Variants in NRXN3 observed in about 807,000 individuals in gnomAD.
NRXN3 encodes neurexin 3.
Under a neutral mutation model 137.6 loss-of-function variants are expected in NRXN3, and 32 were observed. The observed-to-expected ratio is 0.23, with a 90% CI of 0.18 to 0.31. The LOEUF is 0.31. Among genes scored for constraint, NRXN3 ranks in the 10% least tolerant of loss-of-function variants. The pLI is 1.00. For synonymous variants in NRXN3, 798 were observed against 784.5 expected (o/e 1.02, Z -0.29); for missense variants, 1,574 against 2,062.5 (o/e 0.76, Z 4.59).
chr14:79,058,111 A>G (rs1391496679), intron 15 of NRXN3, among the ~76,000 whole-genome samples: 2 of 151,964 alleles, frequency 1.3e-5, no homozygotes, highest in African/African-American at 4.8e-5. Flanking sequence ...AAAGTAGGAG[A>G]TGCGGGAAGG....
intron 4 of NRXN3, among the ~76,000 whole-genome samples, chr14:78,493,858 T>G (rs1276486840): frequency 2.0e-5 from 3 of 152,220 alleles, no homozygotes; most frequent in Non-Finnish European, 4.4e-5. Flanking sequence ...CAAAACCTAC[T>G]TAAGGTCCAG....
At chr14:78,876,194 C>T (rs2099113512) in intron 10 of NRXN3, among the ~76,000 whole-genome samples, 1 of 152,064 alleles carries the variant, frequency 6.6e-6, no homozygotes, top group Admixed American at 6.5e-5. Context: ...TCTTTTAAAA[C>T]AAAACAAAGC....
intron 4 of NRXN3, among the ~76,000 whole-genome samples, chr14:78,490,208 C>T (rs568349946): frequency 4.2e-5 from 1 of 23,860 alleles, no homozygotes; most frequent in Non-Finnish European, 8.7e-5. Flanking sequence ...CCACCACACC[C>T]GGCCTCCCAA....
chr14:79,126,566 G>C (rs1330103068), intron 15 of NRXN3, among the ~76,000 whole-genome samples: 2 of 152,122 alleles, frequency 1.3e-5, no homozygotes, highest in East Asian at 1.9e-4. Flanking sequence ...TCTTAATCCA[G>C]TCTATCATTG....
At chr14:79,562,949 T>C (rs1238811824) in intron 16 of NRXN3, among the ~76,000 whole-genome samples, 1 of 152,170 alleles carries the variant, frequency 6.6e-6, no homozygotes, top group Non-Finnish European at 1.5e-5. Flanking sequence ...GAAAAAACTT[T>C]GGAGACTGAA....
At chr14:78,316,920 G>A (rs1175783652) in intron 4 of NRXN3, among the ~76,000 whole-genome samples, 1 of 152,136 alleles carries the variant, frequency 6.6e-6, no homozygotes, top group East Asian at 1.9e-4. Context: ...GTGAGAGAGA[G>A]TAACACTCTT....
Position 79,861,379 on chromosome 14 carries a change from C to T in NRXN3, c.4131C>T (p.Tyr1377=). ...SLSTSIFEGG[Y]KAHAPKWESK... is the part of the protein sequence containing the mutation. ...CCACTTCAATCTTCGAAGGTGGCTACAAAGCACATGCGCCCAAGTGGGAAT... is the reference window on the plus strand; with the variant it reads ...CCACTTCAATCTTCGAAGGTGGCTATAAAGCACATGCGCCCAAGTGGGAAT... Residue 1377 remains tyrosine, a synonymous_variant, in exon 21 of 21, where the codon TAC becomes TAT. Coordinates refer to ENST00000335750, the MANE Select transcript of NRXN3 (RefSeq NM_001330195.2). The surrounding 1 kb of genome is among the most constrained non-coding windows in gnomAD (Gnocchi z 5.4). 6.5e-7 allele frequency: 1 copy of T among 1,536,168 alleles called. No homozygotes were observed. The highest frequency in any genetic ancestry group is 8.7e-7 in the Non-Finnish European group (1 of 1,146,918).
chr14:79,599,542 A>G (rs896192870), intron 16 of NRXN3, among the ~76,000 whole-genome samples: 33 of 152,252 alleles, frequency 2.2e-4, no homozygotes, highest in Admixed American at 2.1e-3. Flanking sequence ...TTGGCCTTGT[A>G]TGCAAGACTG....
chr14:78,759,745 A>T (rs2098685238), intron 8 of NRXN3, among the ~76,000 whole-genome samples: 2 of 152,234 alleles, frequency 1.3e-5, no homozygotes, highest in Admixed American at 6.5e-5. Context: ...TGAGGTGTTT[A>T]AGGAAAAGCT....
rs1479409763 is a variant in NRXN3 at position 78,498,185 on chromosome 14, G to C, written c.758-146935G>C. Among the ~76,000 whole-genome samples, 120 of 152,186 alleles carry C rather than the reference G, an allele frequency of 7.9e-4. 1 individual carries two copies. The highest frequency in any genetic ancestry group is 1.6e-4 in the Non-Finnish European group (11 of 68,026). The stretch of plus-strand genomic sequence containing the variant: ...ACTCCCTGCCCTTGAAAAGTGTTCA[G>C]TGTGTCTGTAGAAGTCCAGTGCCAG... On this transcript the variant is annotated intron_variant, in intron 4 of 20. Coordinates refer to ENST00000335750, the MANE Select transcript of NRXN3 (RefSeq NM_001330195.2).
At chr14:79,040,630 T>A (rs1441711779) in intron 15 of NRXN3, among the ~76,000 whole-genome samples, 4 of 151,918 alleles carry the variant, frequency 2.6e-5, no homozygotes, top group Non-Finnish European at 5.9e-5. Context: ...AAGGGTGAGG[T>A]TGGAGTGAAA....
intron 4 of NRXN3, among the ~76,000 whole-genome samples, chr14:78,578,453 G>T (rs938945467): frequency 6.6e-6 from 1 of 152,194 alleles, no homozygotes; most frequent in Non-Finnish European, 1.5e-5. Flanking sequence ...ATCAACATCT[G>T]TCTATAGGAA....
intron 15 of NRXN3, among the ~76,000 whole-genome samples, chr14:79,365,660 A>G (rs968213736): frequency 2.8e-5 from 4 of 142,186 alleles, no homozygotes; most frequent in East Asian, 2.1e-4. Context: ...CGGAGCTTGC[A>G]GTGAGCCGAG....
At chr14:79,183,916 CAGGTCTGAGATCAT>C (rs1489373334) in intron 15 of NRXN3, among the ~76,000 whole-genome samples, 1 of 152,156 alleles carries the variant, frequency 6.6e-6, no homozygotes, top group Non-Finnish European at 1.5e-5. Context: ...CTACCAGCAA[CAGGTCTGAGATCAT>C]AGGACCCAAG....
chr14:78,959,892 C>A (rs541589788), intron 11 of NRXN3, among the ~76,000 whole-genome samples: 3 of 152,234 alleles, frequency 2.0e-5, no homozygotes, highest in Admixed American at 6.5e-5. Context: ...TAGATGGCGA[C>A]CTCACCCTGA....
At chr14:79,448,773 A>G (rs2096113861) in intron 15 of NRXN3, among the ~76,000 whole-genome samples, 1 of 152,198 alleles carries the variant, frequency 6.6e-6, no homozygotes, top group African/African-American at 2.4e-5. Flanking sequence ...ACATTCGTAT[A>G]CATGCGTGTA....
intron 19 of NRXN3, among the ~76,000 whole-genome samples, chr14:79,785,213 C>T (rs1014019585): frequency 6.6e-6 from 1 of 152,090 alleles, no homozygotes; most frequent in East Asian, 1.9e-4. Flanking sequence ...TACTTGCTGC[C>T]CTTTGTATAA....
At chr14:79,840,048 G>A (rs2099352744) in intron 20 of NRXN3, among the ~76,000 whole-genome samples, 1 of 152,028 alleles carries the variant, frequency 6.6e-6, no homozygotes, top group Non-Finnish European at 1.5e-5. Context: ...AATACCCAAG[G>A]AATTTTATCT....
At chr14:78,770,639 A>C (rs1449781641) in intron 8 of NRXN3, among the ~76,000 whole-genome samples, 1 of 152,244 alleles carries the variant, frequency 6.6e-6, no homozygotes, top group African/African-American at 2.4e-5. Flanking sequence ...TAAATGTCCA[A>C]ATCAAATGGG....
Sources: gnomAD v4.1 joint callset for allele counts (sites outside exome capture counted in the v4.1 genomes callset) on GRCh38, gnomAD v4.1.1 for gene constraint, Gnocchi (gnomAD v3.1) non-coding constraint, MANE v1.5 for transcripts, NCBI Gene and HGNC (gene_info 2026-07-23, HGNC 2026-07-21) for gene names.